RTCB: variants seen among roughly 807,000 people sequenced by gnomAD.
The protein encoded by RTCB is RNA 2',3'-cyclic phosphate and 5'-OH ligase, also known as RNA-splicing ligase RTCB.
A neutral mutation model predicts 58.2 loss-of-function variants in RTCB; 32 were observed. The observed-to-expected ratio is 0.55, with a 90% CI of 0.41 to 0.74. The LOEUF is 0.74. RTCB is among the 30% of genes least tolerant of loss of function. RTCB has a pLI of 0.00. For missense variants in RTCB, 523 were observed against 639.0 expected (o/e 0.82, Z 1.96); for synonymous variants, 247 against 218.6 (o/e 1.13, Z -1.15).
intron 4 of RTCB, among the ~76,000 whole-genome samples, chr22:32,404,793 C>G (rs539883110): frequency 6.6e-6 from 1 of 152,280 alleles, no homozygotes; most frequent in East Asian, 1.9e-4. Flanking sequence ...ATCCTCCCAC[C>G]TTGGCCCTCC....
chr22:32,394,210 C>T (rs1014171725), intron 9 of RTCB, among the ~76,000 whole-genome samples: 4 of 150,510 alleles, frequency 2.7e-5, no homozygotes, highest in Non-Finnish European at 5.9e-5. Flanking sequence ...CTCCTGGGTT[C>T]ACGCCATTCT....
intron 6 of RTCB, among the ~76,000 whole-genome samples, chr22:32,399,098 A>G (rs150587278): frequency 1.4e-3 from 209 of 152,212 alleles, no homozygotes; most frequent in African/African-American, 4.9e-3. Flanking sequence ...TGATAAACAT[A>G]TTCTATTTTT....
At chr22:32,409,886 C>T (rs377268351) in intron 1 of RTCB, among the ~76,000 whole-genome samples, 7 of 151,022 alleles carry the variant, frequency 4.6e-5, no homozygotes, top group African/African-American at 1.7e-4. Context: ...GGCATGATCT[C>T]GGCTCACTGC....
chr22:32,408,460 T>C (rs2145898979), intron 2 of RTCB, among the ~76,000 whole-genome samples: 1 of 152,330 alleles, frequency 6.6e-6, no homozygotes, highest in South Asian at 2.1e-4. Context: ...CCTAGTAACA[T>C]GCCTGGAATA....
At chr22:32,401,197 G>C (rs1052912134) in intron 5 of RTCB, among the ~76,000 whole-genome samples, 3 of 151,440 alleles carry the variant, frequency 2.0e-5, no homozygotes, top group Non-Finnish European at 2.9e-5. Context: ...GGTCTCTCAA[G>C]GGATCCTTCT....
At chr22:32,405,990 A>G (rs138573219) in intron 4 of RTCB, among the ~76,000 whole-genome samples, 90 of 152,280 alleles carry the variant, frequency 5.9e-4, no homozygotes, top group African/African-American at 2.0e-3. Flanking sequence ...ACTGTTCTAA[A>G]TATTTTACAC....
intron 4 of RTCB, among the ~76,000 whole-genome samples, chr22:32,405,247 T>G (rs1933400259): frequency 6.6e-6 from 1 of 152,212 alleles, no homozygotes; most frequent in South Asian, 2.1e-4. Context: ...AAAATGTGTT[T>G]TAATTTCTAA....
chr22:32,401,587 T>C (rs1933337307), intron 5 of RTCB, 160 bp downstream of exon 5: 3 of 691,970 alleles, frequency 4.3e-6, no homozygotes, highest in Non-Finnish European at 7.0e-6. Context: ...ATGTCTCCAA[T>C]AAATGGGCTG....
chr22:32,405,055 G>A (rs1933397511), intron 4 of RTCB, among the ~76,000 whole-genome samples: 1 of 152,082 alleles, frequency 6.6e-6, no homozygotes, highest in Admixed American at 6.6e-5. Flanking sequence ...AGAGACCCTG[G>A]GGTGGGGGTG....
chr22:32,402,519 G>A lies in RTCB; in HGVS notation c.341-616C>T, dbSNP rs530670919. 2.4e-4 allele frequency among the ~76,000 whole-genome samples: 37 copies of A among 152,220 alleles called. No individual in the cohort carries two copies. In the South Asian group the frequency reaches 7.5e-3, roughly 31 times the overall value. The stretch of plus-strand genomic sequence containing the variant: ...GGCTGGAGTACAGTGGGGTGATCTC[G>A]GCTCACTGCAACCTCCGCCTCCTGC... On this transcript the variant is annotated intron_variant, in intron 4 of 11. Transcript: ENST00000216038.
intron 11 of RTCB, among the ~76,000 whole-genome samples, chr22:32,389,199 G>A (rs1025248646): frequency 6.6e-6 from 1 of 152,110 alleles, no homozygotes; most frequent in East Asian, 1.9e-4. Context: ...TCTAGCTCCT[G>A]GCAATCAGAT....
At chr22:32,401,438 G>A (rs1933334781) in intron 5 of RTCB, 1 of 204,926 alleles carries the variant, frequency 4.9e-6, no homozygotes, top group Non-Finnish European at 9.7e-6. Context: ...AGTTAGGGAA[G>A]ATAATAGGGT....
At chr22:32,390,775 C>T (rs1469979621) in intron 11 of RTCB, among the ~76,000 whole-genome samples, 1 of 152,070 alleles carries the variant, frequency 6.6e-6, no homozygotes, top group Non-Finnish European at 1.5e-5. Context: ...TTAAATTAAC[C>T]ATGTATTCTT....
chr22:32,412,037 G>A (rs922501121), intron 1 of RTCB, 27 bp downstream of exon 1: 1 of 1,573,404 alleles, frequency 6.4e-7, no homozygotes, highest in Admixed American at 1.7e-5. Flanking sequence ...AGCACGGAAG[G>A]CCCCGCCATT....
intron 9 of RTCB, 35 bp downstream of exon 9, chr22:32,394,991 C>T (rs781600272): frequency 1.7e-5 from 27 of 1,551,124 alleles, no homozygotes; most frequent in Middle Eastern, 1.8e-4. Context: ...AATCGTGCCC[C>T]CACTGCTTAA....
intron 4 of RTCB, among the ~76,000 whole-genome samples, chr22:32,403,383 G>A (rs1933369841): frequency 1.3e-5 from 2 of 151,764 alleles, no homozygotes; most frequent in Admixed American, 1.3e-4. Flanking sequence ...CTCCAGCCCG[G>A]GCAACAGAGC....
chr22:32,404,718 G>A (rs118155147), intron 4 of RTCB, among the ~76,000 whole-genome samples: 3,875 of 151,828 alleles, frequency 0.026, 64 homozygotes, highest in Middle Eastern at 0.054. Context: ...TCACTCTGTC[G>A]CCCATGCTGG....
intron 9 of RTCB, among the ~76,000 whole-genome samples, chr22:32,394,343 A>C (rs1218288405): frequency 1.3e-5 from 2 of 151,556 alleles, no homozygotes; most frequent in Non-Finnish European, 2.9e-5. Context: ...GATCTCCCGA[A>C]CTCGTGATTT....
chr22:32,399,932 A>C, intron 5 of RTCB, 173 bp from the exon 6 acceptor site: 11 of 489,094 alleles, frequency 2.2e-5, no homozygotes, highest in Non-Finnish European at 3.6e-5. Context: ...TGAGGAATGC[A>C]GTCATATAAA....
Sources: gnomAD v4.1 joint callset for allele counts (sites outside exome capture counted in the v4.1 genomes callset) on GRCh38, gnomAD v4.1.1 for gene constraint, MANE v1.5 for transcripts, NCBI Gene and HGNC (gene_info 2026-07-23, HGNC 2026-07-21) for gene names.